The following ANKS1B variants were observed in gnomAD, a reference collection of about 807,000 sequenced individuals.
The protein encoded by ANKS1B is ankyrin repeat and sterile alpha motif domain-containing protein 1B.
In ANKS1B, 36 loss-of-function variants were observed where a neutral mutation model predicts 148.3. The ratio of observed to expected loss-of-function variants is 0.24; its 90% CI spans 0.19 to 0.32. The LOEUF is 0.32. ANKS1B is among the 10% of genes least tolerant of loss of function. The probability of loss-of-function intolerance (pLI) is 1.00; values close to 1 mark genes in which losing one functional copy is unlikely to be tolerated. For synonymous variants in ANKS1B, 542 were observed against 560.8 expected (o/e 0.97, Z 0.47); for missense variants, 1,157 against 1,542.6 (o/e 0.75, Z 4.19).
chr12:99,966,814 G>T (rs567124672), intron 1 of ANKS1B, among the ~76,000 whole-genome samples: 17 of 152,184 alleles, frequency 1.1e-4, no homozygotes, highest in African/African-American at 4.1e-4. Context: ...ATGGATTACA[G>T]CACAGCACAT....
chr12:99,244,312 T>G (rs1323225119), intron 14 of ANKS1B, 30 bp downstream of exon 14: 2 of 1,504,486 alleles, frequency 1.3e-6, no homozygotes, highest in East Asian at 4.6e-5. Flanking sequence ...GCACATTTAT[T>G]CATTATAATG....
chr12:98,939,445 C>T (rs906338078), intron 17 of ANKS1B, among the ~76,000 whole-genome samples: 7 of 152,102 alleles, frequency 4.6e-5, no homozygotes, highest in Admixed American at 2.0e-4. Flanking sequence ...TTGGCCATTG[C>T]GGTTAATTTT....
At chr12:99,821,744 A>C (rs74558155) in intron 2 of ANKS1B, among the ~76,000 whole-genome samples, 110 of 152,204 alleles carry the variant, frequency 7.2e-4, no homozygotes, top group African/African-American at 2.6e-3. Flanking sequence ...TATCTTCCCA[A>C]TTAGAACTAA....
At chr12:99,752,602 T>C (rs2061212335) in intron 8 of ANKS1B, among the ~76,000 whole-genome samples, 1 of 152,068 alleles carries the variant, frequency 6.6e-6, no homozygotes, top group East Asian at 1.9e-4. Flanking sequence ...AATATCATAA[T>C]GTGTATTTTA....
At chr12:99,168,855 G>T (rs1222530000) in intron 14 of ANKS1B, among the ~76,000 whole-genome samples, 1 of 152,164 alleles carries the variant, frequency 6.6e-6, no homozygotes, top group Non-Finnish European at 1.5e-5. Context: ...AGTCCTAGGA[G>T]ATTGAGATAA....
chr12:99,868,256 C>G (rs1378823821), intron 1 of ANKS1B, among the ~76,000 whole-genome samples: 1 of 152,160 alleles, frequency 6.6e-6, no homozygotes, highest in Non-Finnish European at 1.5e-5. Context: ...ATTTCTTTAT[C>G]TGAATGCTTA....
chr12:99,201,280 T>C (rs2082036593), intron 14 of ANKS1B, among the ~76,000 whole-genome samples: 4 of 151,772 alleles, frequency 2.6e-5, no homozygotes, highest in Admixed American at 2.6e-4. Flanking sequence ...TAATAGTCCA[T>C]GACAGTGACA....
chr12:99,869,361 A>G (rs1365961402), intron 1 of ANKS1B, among the ~76,000 whole-genome samples: 1 of 152,068 alleles, frequency 6.6e-6, no homozygotes, highest in Non-Finnish European at 1.5e-5. Context: ...GAGGGTGCAA[A>G]ATAGACTCAT....
chr12:99,396,575 C>T (rs1593915262), intron 12 of ANKS1B, among the ~76,000 whole-genome samples: 1 of 152,042 alleles, frequency 6.6e-6, no homozygotes, highest in Non-Finnish European at 1.5e-5. Flanking sequence ...AAGGTCAGAC[C>T]TGAAAATATC....
intron 17 of ANKS1B, among the ~76,000 whole-genome samples, chr12:98,885,684 T>C (rs947012728): frequency 6.6e-6 from 1 of 152,128 alleles, no homozygotes; most frequent in Non-Finnish European, 1.5e-5. Flanking sequence ...GCCCGCCCCG[T>C]CAATTTGGTG....
At chr12:99,125,366 G>A (rs1332109104) in intron 15 of ANKS1B, among the ~76,000 whole-genome samples, 1 of 152,170 alleles carries the variant, frequency 6.6e-6, no homozygotes, top group Non-Finnish European at 1.5e-5. Flanking sequence ...GGGAGAATAA[G>A]CATTTTCTCT....
intron 4 of ANKS1B, among the ~76,000 whole-genome samples, chr12:99,786,356 T>G (rs557139258): frequency 6.6e-6 from 1 of 152,132 alleles, no homozygotes; most frequent in Admixed American, 6.5e-5. Flanking sequence ...GCTAGACTAG[T>G]GCCTGGACTT....
intron 8 of ANKS1B, among the ~76,000 whole-genome samples, chr12:99,695,974 A>G (rs2053840809): frequency 6.6e-6 from 1 of 152,168 alleles, no homozygotes; most frequent in African/African-American, 2.4e-5. Flanking sequence ...GCATTTAAAA[A>G]CTACCTACTG....
At chr12:99,960,374 T>C (rs1211168443) in intron 1 of ANKS1B, among the ~76,000 whole-genome samples, 2 of 152,218 alleles carry the variant, frequency 1.3e-5, no homozygotes, top group African/African-American at 2.4e-5. Flanking sequence ...TAAATTACTC[T>C]GAGAAAACCA....
chr12:98,822,175 T>C (rs2153665233), intron 19 of ANKS1B, among the ~76,000 whole-genome samples: 1 of 152,238 alleles, frequency 6.6e-6, no homozygotes, highest in Middle Eastern at 3.4e-3. Context: ...TCTGGAAAAG[T>C]CCTTGCTGAT....
chr12:99,266,187 A>G (rs1284520769), intron 12 of ANKS1B, among the ~76,000 whole-genome samples: 2 of 152,110 alleles, frequency 1.3e-5, no homozygotes, highest in Non-Finnish European at 2.9e-5. Flanking sequence ...GTATCATTTC[A>G]TCTAATTACC....
At chr12:99,123,296 T>C (rs1566239036) in intron 15 of ANKS1B, among the ~76,000 whole-genome samples, 1 of 151,986 alleles carries the variant, frequency 6.6e-6, no homozygotes, top group Non-Finnish European at 1.5e-5. Context: ...TTTCGATGAA[T>C]TGAATAAGAA....
At chr12:99,883,270 C>T (rs1209109717) in intron 1 of ANKS1B, among the ~76,000 whole-genome samples, 1 of 151,974 alleles carries the variant, frequency 6.6e-6, no homozygotes, top group African/African-American at 2.4e-5. Flanking sequence ...GGTACAAAGG[C>T]AATTCAATGG....
chr12:99,705,758 C>T (rs1245747251), intron 8 of ANKS1B, among the ~76,000 whole-genome samples: 1 of 151,960 alleles, frequency 6.6e-6, no homozygotes, highest in Admixed American at 6.6e-5. Flanking sequence ...AAGGTTGATA[C>T]CTATCAGAAG....
Sources: gnomAD v4.1 joint callset for allele counts (sites outside exome capture counted in the v4.1 genomes callset) on GRCh38, gnomAD v4.1.1 for gene constraint, MANE v1.5 for transcripts, NCBI Gene and HGNC (gene_info 2026-07-23, HGNC 2026-07-21) for gene names.